The following POC1B variants were observed in gnomAD, a reference collection of about 807,000 sequenced individuals.
The protein encoded by POC1B is POC1 centriolar protein homolog B.
POC1B carries 44 observed loss-of-function variants against 60.6 expected under a neutral mutation model. That is an observed-to-expected ratio of 0.73 (90% confidence interval 0.57 to 0.93). POC1B has a LOEUF of 0.93. POC1B is among the 40% of genes least tolerant of loss of function. POC1B has a pLI of 0.00. For synonymous variants in POC1B, 180 were observed against 198.9 expected (o/e 0.90, Z 0.80); for missense variants, 555 against 572.3 (o/e 0.97, Z 0.31).
intron 10 of POC1B, among the ~76,000 whole-genome samples, chr12:89,436,631 T>C (rs1346087137): frequency 6.6e-6 from 1 of 152,040 alleles, no homozygotes; most frequent in African/African-American, 2.4e-5. Flanking sequence ...GAAGAATCAC[T>C]TGAACCTGGG....
Position 89,524,531 on chromosome 12 carries a change from A to G in POC1B, c.100+589T>C, listed in dbSNP as rs555150449. 2.1e-5 allele frequency: 34 copies of G among 1,611,576 alleles called. No individual in the cohort carries two copies. The East Asian group carries it at 6.9e-4, about 33-fold the overall frequency. On this transcript the variant is annotated intron_variant, in intron 2 of 11. Coordinates refer to ENST00000313546, the MANE Select transcript of POC1B (RefSeq NM_172240.3). ...AGCAGCAGGCAGCTCTTGCCTGCCCAAGTCCACCTCACCGCCATCCGGATT... is the reference window on the plus strand; with the variant it reads ...AGCAGCAGGCAGCTCTTGCCTGCCCGAGTCCACCTCACCGCCATCCGGATT...
chr12:89,425,063 A>G (rs1880703046), intron 11 of POC1B, 98 bp downstream of exon 11: 8 of 1,252,054 alleles, frequency 6.4e-6, no homozygotes, highest in Non-Finnish European at 9.0e-6. Flanking sequence ...GTATAGAGAA[A>G]TCTCCCCTGC....
At chr12:89,430,353 T>G (rs375680992) in intron 10 of POC1B, among the ~76,000 whole-genome samples, 178 of 152,358 alleles carry the variant, frequency 1.2e-3, no homozygotes, top group African/African-American at 4.2e-3. Flanking sequence ...CATTTGTCAC[T>G]TATTTTTGAG....
At chr12:89,525,564 T>C in intron 1 of POC1B, 1 of 1,279,930 alleles carries the variant, frequency 7.8e-7, no homozygotes, top group Non-Finnish European at 9.8e-7. Flanking sequence ...TTTTTTTTTT[T>C]AATACTTCCT....
At chr12:89,423,076 C>T (rs1199553844) in intron 11 of POC1B, among the ~76,000 whole-genome samples, 1 of 152,108 alleles carries the variant, frequency 6.6e-6, no homozygotes, top group Non-Finnish European at 1.5e-5. Flanking sequence ...TTGATCTTAG[C>T]TCCCTGCAAC....
At position 89,524,970 on chromosome 12, in the gene POC1B, C is replaced by T. The variant is rs997324164; in HGVS notation, c.100+150G>A. The T allele has an allele frequency of 7.2e-6, 9 of 1,257,194 alleles. No individual in the cohort carries two copies. The Admixed American group carries it at 1.7e-4, about 24-fold the overall frequency. The allele number at this position is 1,257,194 out of a possible 1,614,324, so 77.9% of individuals were successfully genotyped here. ...ATGGCAGAGGGGGCCCTAGCTGCGC[C>T]CCGCCGCGCTGGGCCCTCGTCTCCG... is the stretch of plus-strand genomic sequence containing the variant. On this transcript the variant is annotated intron_variant, in intron 2 of 11. Transcript: ENST00000313546.
In POC1B at chr12:89,442,211, C is replaced by T. The variant is rs1197141756; in HGVS notation, c.1114-16832G>A. ...ATATTATCCAGGAGAACTTCCCCAA[C>T]CTAGCAAGGCAGGCCAACATTCAAA... On this transcript the variant is annotated intron_variant, in intron 10 of 11. Coordinates refer to ENST00000313546, the MANE Select transcript of POC1B (RefSeq NM_172240.3). 2.6e-5 allele frequency among the ~76,000 whole-genome samples: 4 copies of T among 152,166 alleles called. No individual in the cohort carries two copies. The East Asian group carries it at 5.8e-4, about 22-fold the overall frequency.
At chr12:89,525,391 G>A in intron 1 of POC1B, 187 bp from the exon 2 acceptor site, 1 of 1,391,626 alleles carries the variant, frequency 7.2e-7, no homozygotes, top group Non-Finnish European at 9.3e-7. Context: ...ACAGGGAGAC[G>A]CCGGCGCCAG....
the POC1B span, among the ~76,000 whole-genome samples, chr12:89,402,265 C>T: frequency 6.6e-6 from 1 of 152,050 alleles, no homozygotes; most frequent in Non-Finnish European, 1.5e-5. Context: ...TTCTTGAAGT[C>T]TTCAGCCCTG....
intron 2 of POC1B, chr12:89,522,338 C>T (rs1356194678): frequency 5.1e-6 from 2 of 395,786 alleles, no homozygotes; most frequent in Non-Finnish European, 8.9e-6. Context: ...AAAATAAAAT[C>T]TAAAATTTAA....
At chr12:89,507,695 T>C (rs1206431322) in intron 2 of POC1B, among the ~76,000 whole-genome samples, 1 of 152,210 alleles carries the variant, frequency 6.6e-6, no homozygotes, top group Non-Finnish European at 1.5e-5. Context: ...GTCAGTGCTT[T>C]GTCTCTGGAG....
At chr12:89,497,007 G>GA (rs34013079) in intron 3 of POC1B, 164 bp downstream of exon 3, 201,900 of 691,148 alleles carry the variant, frequency 0.29, 32,236 homozygotes, top group Non-Finnish European at 0.33. Context: ...TAATTTTGAG[G>GA]AAAAAAATTG....
Position 89,420,371 on chromosome 12 carries a change from C to T in POC1B, c.*782G>A, listed in dbSNP as rs1210149650. 3 of 152,138 alleles carry T rather than the reference C, an allele frequency of 2.0e-5. 1 individual carries two copies. Among genetic ancestry groups the T allele is most frequent in the Non-Finnish European group, 4.4e-5 (3 of 68,024 alleles). The allele number at this position is 152,138 out of a possible 1,614,324, so 9.4% of individuals were successfully genotyped here. ...ATTTTTAAATATCACTTTTGTATCA[C>T]TCTGACTTTTTAGCATACTGAAAAC... On this transcript the variant is annotated 3_prime_UTR_variant, in exon 12 of 12. Coordinates refer to ENST00000313546, the MANE Select transcript of POC1B (RefSeq NM_172240.3).
intron 2 of POC1B, among the ~76,000 whole-genome samples, chr12:89,508,589 T>G (rs2135755765): frequency 6.6e-6 from 1 of 152,268 alleles, no homozygotes; most frequent in African/African-American, 2.4e-5. Context: ...CCATGTAAAG[T>G]TACTATTTTT....
chr12:89,427,159 A>G (rs138072337), intron 10 of POC1B: 8 of 152,388 alleles, frequency 5.2e-5, no homozygotes, highest in African/African-American at 1.4e-4. Context: ...GTAAAACTAT[A>G]GTAATTAAGA....
the POC1B span, among the ~76,000 whole-genome samples, chr12:89,410,147 C>T: frequency 1.3e-5 from 2 of 152,146 alleles, no homozygotes; most frequent in Non-Finnish European, 2.9e-5. Flanking sequence ...AAGGCTGGCT[C>T]AACATATTCA....
At chr12:89,421,829 G>A (rs1424281377) in intron 11 of POC1B, among the ~76,000 whole-genome samples, 1 of 152,114 alleles carries the variant, frequency 6.6e-6, no homozygotes, top group Admixed American at 6.6e-5. Flanking sequence ...ATAAAATAAT[G>A]CATGTAAAAT....
chr12:89,525,436 C>A, intron 1 of POC1B: 1 of 1,379,310 alleles, frequency 7.3e-7, no homozygotes, highest in Non-Finnish European at 9.3e-7. Context: ...GCTCTGTTCG[C>A]GCTTCCCAGA....
chr12:89,474,051 C>CA (rs1392392258), intron 4 of POC1B, among the ~76,000 whole-genome samples: 1 of 151,666 alleles, frequency 6.6e-6, no homozygotes, highest in Admixed American at 6.6e-5. Flanking sequence ...CTAAAAAATA[C>CA]AAAAATTAGT....
Sources: allele counts gnomAD v4.1 joint callset (sites outside exome capture counted in the v4.1 genomes callset), GRCh38; gene constraint gnomAD v4.1.1; transcripts MANE v1.5; gene names NCBI Gene and HGNC (gene_info 2026-07-23, HGNC 2026-07-21).